CHST11: variants seen among roughly 807,000 people sequenced by gnomAD.
The protein encoded by CHST11 is carbohydrate sulfotransferase 11.
In CHST11, 9 loss-of-function variants were observed where a neutral mutation model predicts 30.4. The ratio of observed to expected loss-of-function variants is 0.30; its 90% CI spans 0.18 to 0.52. The LOEUF is 0.52. Ranked by LOEUF, CHST11 falls within the 20% of genes least tolerant of loss-of-function variation. The pLI is 0.97. For synonymous variants in CHST11, 152 were observed against 187.8 expected (o/e 0.81, Z 1.56); for missense variants, 348 against 460.6 (o/e 0.76, Z 2.24).
intron 1 of CHST11, among the ~76,000 whole-genome samples, chr12:104,584,303 G>C (rs1704885): frequency 0.87 from 129,131 of 149,038 alleles, 56,152 homozygotes; most frequent in East Asian, 1. Context: ...GTCACCCAGG[G>C]TGGAGTGCAG....
At chr12:104,694,179 C>G (rs1423480926) in intron 2 of CHST11, among the ~76,000 whole-genome samples, 1 of 152,122 alleles carries the variant, frequency 6.6e-6, no homozygotes, top group African/African-American at 2.4e-5. Flanking sequence ...CAGGGGGTAG[C>G]TTGTATCATG....
chr12:104,466,440 A>G (rs2037459585), intron 1 of CHST11, among the ~76,000 whole-genome samples: 2 of 152,244 alleles, frequency 1.3e-5, no homozygotes, highest in African/African-American at 2.4e-5. Flanking sequence ...AGTGGACCCT[A>G]TAATGCTGTT....
At chr12:104,457,568 TTCTC>T in intron 1 of CHST11, 39 bp downstream of exon 1, 1 of 1,393,628 alleles carries the variant, frequency 7.2e-7, no homozygotes, top group Non-Finnish European at 1.0e-6. Context: ...GGATATTTTC[TTCTC>T]TCTCGCGCTC....
chr12:104,639,005 G>T (rs1306412298), intron 2 of CHST11, among the ~76,000 whole-genome samples: 1 of 152,210 alleles, frequency 6.6e-6, no homozygotes, highest in Non-Finnish European at 1.5e-5. Flanking sequence ...CAGCTTGGGA[G>T]TGGGAAGCTT....
chr12:104,486,534 A>G (rs1033555136), intron 1 of CHST11, among the ~76,000 whole-genome samples: 1 of 152,160 alleles, frequency 6.6e-6, no homozygotes. Flanking sequence ...CCATGCATGC[A>G]TGAGAGAGTT....
chr12:104,718,789 C>G (rs903147216), intron 2 of CHST11, among the ~76,000 whole-genome samples: 2 of 152,180 alleles, frequency 1.3e-5, no homozygotes, highest in Non-Finnish European at 2.9e-5. Flanking sequence ...GCCAGTCTCC[C>G]AGGAACTCCT....
At chr12:104,643,168 AT>A (rs2039394019) in intron 2 of CHST11, among the ~76,000 whole-genome samples, 1 of 152,192 alleles carries the variant, frequency 6.6e-6, no homozygotes. Context: ...CTACAAAAAA[AT>A]TAAAAAATTA....
intron 1 of CHST11, among the ~76,000 whole-genome samples, chr12:104,592,288 C>G (rs1420177537): frequency 6.6e-6 from 1 of 152,004 alleles, no homozygotes; most frequent in East Asian, 1.9e-4. Flanking sequence ...AACAAAATAC[C>G]ATAAACTGGG....
intron 2 of CHST11, among the ~76,000 whole-genome samples, chr12:104,754,020 A>G (rs1033173807): frequency 1.1e-4 from 16 of 152,232 alleles, no homozygotes; most frequent in African/African-American, 3.9e-4. Context: ...CTCTTTGCAC[A>G]TATAGATTAT....
chr12:104,465,417 G>C (rs1044293970), intron 1 of CHST11, among the ~76,000 whole-genome samples: 2 of 152,200 alleles, frequency 1.3e-5, no homozygotes, highest in Non-Finnish European at 2.9e-5. Flanking sequence ...AGTTCATCTA[G>C]AAATAGACAT....
intron 2 of CHST11, among the ~76,000 whole-genome samples, chr12:104,605,503 C>T (rs2038996776): frequency 6.6e-6 from 1 of 152,208 alleles, no homozygotes; most frequent in South Asian, 2.1e-4. Context: ...GGCGTGAGCC[C>T]GGGAGGCGGA....
intron 1 of CHST11, among the ~76,000 whole-genome samples, chr12:104,532,705 C>T (rs2038196662): frequency 6.6e-6 from 1 of 152,150 alleles, no homozygotes; most frequent in African/African-American, 2.4e-5. Flanking sequence ...GAACTATACC[C>T]ACCGTGTGCC....
chr12:104,549,750 A>G (rs1434416305), intron 1 of CHST11, among the ~76,000 whole-genome samples: 2 of 152,146 alleles, frequency 1.3e-5, no homozygotes, highest in Non-Finnish European at 2.9e-5. Context: ...CTCAAAAAAT[A>G]ACAAAAATTA....
intron 1 of CHST11, among the ~76,000 whole-genome samples, chr12:104,578,869 A>G (rs2038710854): frequency 6.6e-6 from 1 of 152,186 alleles, no homozygotes; most frequent in South Asian, 2.1e-4. Flanking sequence ...TCTCAGGTAA[A>G]AGCTAGGAAA....
chr12:104,502,032 CTT>C (rs60839156), intron 1 of CHST11, among the ~76,000 whole-genome samples: 30 of 147,922 alleles, frequency 2.0e-4, no homozygotes, highest in African/African-American at 6.7e-4. Context: ...TTCTTTTTTA[CTT>C]TTTTTTTTTT....
At chr12:104,674,835 C>G (rs1252447555) in intron 2 of CHST11, among the ~76,000 whole-genome samples, 1 of 151,996 alleles carries the variant, frequency 6.6e-6, no homozygotes, top group Non-Finnish European at 1.5e-5. Context: ...AAAGGATGGT[C>G]TTTCAAACCC....
chr12:104,725,532 T>TA (rs371503538), intron 2 of CHST11, among the ~76,000 whole-genome samples: 24 of 150,586 alleles, frequency 1.6e-4, no homozygotes, highest in South Asian at 4.2e-4. Flanking sequence ...TTTTTTTTTT[T>TA]AATTCTGAGC....
At chr12:104,470,415 C>G (rs1366716628) in intron 1 of CHST11, among the ~76,000 whole-genome samples, 1 of 152,150 alleles carries the variant, frequency 6.6e-6, no homozygotes, top group Admixed American at 6.5e-5. Context: ...TCTCATGAGA[C>G]TCACTCACTA....
At chr12:104,640,376 C>A (rs2039364360) in intron 2 of CHST11, among the ~76,000 whole-genome samples, 1 of 152,098 alleles carries the variant, frequency 6.6e-6, no homozygotes. Flanking sequence ...TGCATCCATA[C>A]AACAGAATAT....
Sources: gnomAD v4.1 joint callset for allele counts (sites outside exome capture counted in the v4.1 genomes callset) on GRCh38, gnomAD v4.1.1 for gene constraint, MANE v1.5 for transcripts, NCBI Gene and HGNC (gene_info 2026-07-23, HGNC 2026-07-21) for gene names.